The following PDE2A variants were observed in gnomAD, a reference collection of about 807,000 sequenced individuals.
PDE2A encodes phosphodiesterase 2A.
A neutral mutation model predicts 133.6 loss-of-function variants in PDE2A; 53 were observed. The observed-to-expected ratio is 0.40, with a 90% CI of 0.32 to 0.50. The LOEUF (loss-of-function observed/expected upper bound fraction) is 0.50, where lower values mean the gene tolerates loss of function less well. Among genes scored for constraint, PDE2A ranks in the 20% least tolerant of loss-of-function variants. The pLI, the probability that PDE2A is intolerant of heterozygous loss-of-function variation, is 0.73. For missense variants in PDE2A, 796 were observed against 1,232.4 expected, an observed-to-expected ratio of 0.65 and a Z score of 5.30; for synonymous variants, 491 against 490.2, an observed-to-expected ratio of 1.00 and a Z score of -0.02.
intron 1 of PDE2A, among the ~76,000 whole-genome samples, chr11:72,666,549 A>C (rs1204296064): frequency 6.6e-6 from 1 of 152,058 alleles, no homozygotes; most frequent in African/African-American, 2.4e-5. Context: ...GTCTCTACCT[A>C]CAGGAAAGCG....
chr11:72,599,364 G>A (rs1054231382), intron 4 of PDE2A, among the ~76,000 whole-genome samples: 17 of 151,962 alleles, frequency 1.1e-4, no homozygotes, highest in African/African-American at 1.7e-4. Flanking sequence ...TCCCCACCAC[G>A]TCCCTGAGGT....
At chr11:72,662,222 G>A (rs1855088360) in intron 1 of PDE2A, among the ~76,000 whole-genome samples, 1 of 152,120 alleles carries the variant, frequency 6.6e-6, no homozygotes, top group African/African-American at 2.4e-5. Flanking sequence ...ACTTAGAGTG[G>A]GGCAGAAAGC....
At chr11:72,584,360 G>T (rs369589027) in intron 18 of PDE2A, 47 bp from the exon 19 acceptor site, 1 of 1,362,522 alleles carries the variant, frequency 7.3e-7, no homozygotes, top group South Asian at 1.2e-5. Context: ...GGGAGGGATC[G>T]GTTGGAGGGA....
chr11:72,632,225 C>T (rs1366152535), intron 2 of PDE2A, among the ~76,000 whole-genome samples: 1 of 152,224 alleles, frequency 6.6e-6, no homozygotes, highest in Non-Finnish European at 1.5e-5. Flanking sequence ...ATCTCTGGCT[C>T]TCCTTGGGTT....
At chr11:72,615,042 T>C in intron 2 of PDE2A, 1 of 476,000 alleles carries the variant, frequency 2.1e-6, no homozygotes, top group Non-Finnish European at 4.5e-6. Context: ...TGCCCACCCT[T>C]CGCAGACTCC....
intron 2 of PDE2A, among the ~76,000 whole-genome samples, chr11:72,637,240 G>A (rs1349911494): frequency 2.6e-5 from 4 of 151,986 alleles, no homozygotes; most frequent in East Asian, 3.9e-4. Context: ...TATCTCCCTC[G>A]TTGCCCTCCC....
rs764937729 is a variant in PDE2A at position 72,674,119 on chromosome 11, G to T, written c.71+18C>A. 7.4e-6 allele frequency: 12 copies of T among 1,611,254 alleles called. No homozygotes were observed. The Admixed American group carries it at 1.7e-4, about 22-fold the overall frequency. On this transcript the variant is annotated intron_variant, in intron 1 of 30. Coordinates refer to ENST00000334456, the MANE Select transcript of PDE2A (RefSeq NM_002599.5). ...CCTCTCACAGCCGCTCACCACCCCA[G>T]CCCCTCACTATACTCACGGCTCAGC...
chr11:72,650,876 TACACACACACACACACACACACAC>T (rs58905066), intron 1 of PDE2A, among the ~76,000 whole-genome samples: 21 of 130,312 alleles, frequency 1.6e-4, no homozygotes, highest in Admixed American at 3.9e-4. Context: ...CAGTCCCCAC[TACACACACACACACACACACACAC>T]ACACACACAC....
chr11:72,662,769 C>T (rs548824759), intron 1 of PDE2A, among the ~76,000 whole-genome samples: 4 of 152,260 alleles, frequency 2.6e-5, no homozygotes, highest in African/African-American at 7.2e-5. Flanking sequence ...CTTGGCCAAC[C>T]GCAATACTGC....
chr11:72,608,468 T>C (rs1246794112), intron 3 of PDE2A, among the ~76,000 whole-genome samples, 194 bp downstream of exon 3: 1 of 152,214 alleles, frequency 6.6e-6, no homozygotes, highest in Non-Finnish European at 1.5e-5. Flanking sequence ...CATTCCTTGA[T>C]GCTTAGCTTC....
chr11:72,605,161 C>T lies in PDE2A; in HGVS notation c.300G>A (p.Glu100=), dbSNP rs1339521434. Residue 100 remains glutamate (E), a synonymous_variant, in exon 4 of 31, where the codon GAG becomes GAA. Transcript: ENST00000334456. ...SQLVCEDPPH[E]LPQEGKVREA... is the part of the protein sequence containing the mutation. The stretch of plus-strand genomic sequence containing the variant: ...ACCGGACTTTCCCCTCCTGGGGCAG[C>T]TCATGTGGGGGGTCCTCACACACCA... 1 of 1,610,242 alleles carries T rather than the reference C, an allele frequency of 6.2e-7. No individual in the cohort carries two copies. The highest frequency in any genetic ancestry group is 8.5e-7 in the Non-Finnish European group (1 of 1,177,682).
intron 4 of PDE2A, chr11:72,598,508 C>A (rs752900026): frequency 7.8e-7 from 1 of 1,288,960 alleles, no homozygotes. Context: ...TAATTAAGCA[C>A]CTGAGTTTGC....
intron 1 of PDE2A, among the ~76,000 whole-genome samples, chr11:72,643,941 C>G (rs1168708962): frequency 2.0e-5 from 3 of 152,140 alleles, no homozygotes; most frequent in Non-Finnish European, 4.4e-5. Context: ...CTGAGCCTGG[C>G]GGGCCAGACC....
At chr11:72,655,945 C>T (rs1463196352) in intron 1 of PDE2A, among the ~76,000 whole-genome samples, 1 of 152,176 alleles carries the variant, frequency 6.6e-6, no homozygotes, top group Non-Finnish European at 1.5e-5. Context: ...ACCTGCTGTG[C>T]CCCCCTTCTC....
intron 6 of PDE2A, among the ~76,000 whole-genome samples, chr11:72,596,361 C>G (rs575360662): frequency 6.6e-6 from 1 of 152,068 alleles, no homozygotes; most frequent in African/African-American, 2.4e-5. Context: ...CCTACCTATT[C>G]GAGGTGGGGC....
In PDE2A at chr11:72,577,544, G is replaced by C; in HGVS notation, c.2666C>G (p.Ala889Gly). 1 of 1,610,428 alleles carries C rather than the reference G, an allele frequency of 6.2e-7. No homozygotes were observed. The highest frequency in any genetic ancestry group is 1.3e-5 in the African/African-American group (1 of 75,044). Residue 889 changes from alanine (A) to glycine (G), a missense_variant, in exon 31 of 31, where the codon GCC becomes GGC. By Grantham distance (60) the Ala-to-Gly change is moderately conservative (BLOSUM62 0). Around this residue, in one of 7 missense-constraint regions of PDE2A, gnomAD observed 83 missense variants for 99.0 expected, o/e 0.84. Transcript: ENST00000334456. ...PKAAELYERV[A>G]SNREHWTKVS... ...CTTGGTCCAGTGCTCACGGTTGGAG[G>C]CCACGCGCTCGTACAGCTCTGCCGC...
intron 2 of PDE2A, among the ~76,000 whole-genome samples, chr11:72,627,925 C>A (rs1407726883): frequency 1.3e-5 from 2 of 152,254 alleles, no homozygotes; most frequent in African/African-American, 4.8e-5. Context: ...GGATGCCAGG[C>A]TGAGCTGGAA....
intron 13 of PDE2A, among the ~76,000 whole-genome samples, chr11:72,587,435 C>T (rs1390658295): frequency 6.6e-6 from 1 of 152,316 alleles, no homozygotes; most frequent in African/African-American, 2.4e-5. Context: ...CCCTGAAATG[C>T]GTGGGACACA....
rs192509310 is a variant in PDE2A at position 72,579,612 on chromosome 11, G to C, written c.2182-4C>G. Reference sequence around the variant, plus strand: ...TGGCCTGAGCAAAGTGGTGCCTCTGGGGGGAGAGGAGTGATGGGGGCCCAG... The same window carrying C: ...TGGCCTGAGCAAAGTGGTGCCTCTGCGGGGAGAGGAGTGATGGGGGCCCAG... On this transcript the variant is annotated splice_polypyrimidine_tract_variant and splice_region_variant and intron_variant, in intron 25 of 30. Coordinates refer to ENST00000334456, the MANE Select transcript of PDE2A (RefSeq NM_002599.5). The C allele has an allele frequency of 8.1e-5, 131 of 1,610,050 alleles. 1 individual carries two copies. Among genetic ancestry groups the C allele is most frequent in the Admixed American group, 1.5e-4 (9 of 59,978 alleles).
Sources: allele counts gnomAD v4.1 joint callset (sites outside exome capture counted in the v4.1 genomes callset), GRCh38; gene constraint gnomAD v4.1.1; regional missense constraint gnomAD v4.1.1; transcripts MANE v1.5; gene names NCBI Gene and HGNC (gene_info 2026-07-23, HGNC 2026-07-21).